Variants in CTBP1 observed in about 807,000 individuals in gnomAD.
The protein encoded by CTBP1 is C-terminal binding protein 1, also known as C-terminal-binding protein 1.
A neutral mutation model predicts 42.1 loss-of-function variants in CTBP1; 11 were observed. The ratio of observed to expected loss-of-function variants is 0.26; its 90% CI spans 0.16 to 0.43. The LOEUF is 0.43. Among genes scored for constraint, CTBP1 ranks in the 20% least tolerant of loss-of-function variants. The probability of loss-of-function intolerance (pLI) is 1.00; values close to 1 mark genes in which losing one functional copy is unlikely to be tolerated. For synonymous variants in CTBP1, 324 were observed against 277.1 expected (o/e 1.17, Z -1.68); for missense variants, 399 against 624.3 (o/e 0.64, Z 3.85).
rs377417108 is a variant in CTBP1 at position 1,242,668 on chromosome 4, C to T, written c.-188-1149G>A. 11 of 985,322 alleles carry T rather than the reference C, an allele frequency of 1.1e-5. No individual in the cohort carries two copies. In the African/African-American group the frequency reaches 1.9e-4, roughly 17 times the overall value. 61.0% of individuals were successfully genotyped at this position (985,322 alleles called of 1,614,324 possible). A position where few individuals can be genotyped will look rare whatever the true frequency, so the allele number is the denominator to read the frequency against. ...CTCATGGCAGGTGCTGTGTGGGACT[C>T]CCTGACGGAGGGCCCAAGAGCAACA... On this transcript the variant is annotated intron_variant, in intron 1 of 9. Transcript: ENST00000382952.
rs1275586381 is a variant in CTBP1, at chr4:1,213,766, G to GC, written c.861-162dup. ...CAGGCTGGCTGAGCTCAAGAGCACAGCCCCGGGACCATCAGACACACCAGG... is the reference window on the plus strand; with the variant it reads ...CAGGCTGGCTGAGCTCAAGAGCACAGCCCCCGGGACCATCAGACACACCAGG... On this transcript the variant is annotated intron_variant, in intron 7 of 9. Transcript: ENST00000382952. 9 of 907,826 alleles carry GC rather than the reference G, an allele frequency of 9.9e-6. No homozygotes were observed. The East Asian group carries it at 2.5e-4, about 25-fold the overall frequency. The allele number at this position is 907,826 out of a possible 1,614,324, so 56.2% of individuals were successfully genotyped here.
At position 1,216,110 on chromosome 4, in the gene CTBP1, G is replaced by C; in HGVS notation, c.610C>G (p.Leu204Val). Residue 204 changes from leucine (L) to valine (V), a missense_variant, in exon 6 of 10, where the codon CTG (leucine) becomes GTG (valine). Leu to Val is a conservative substitution (Grantham distance 32). This residue lies in a region of CTBP1 where 309 missense variants were observed against 497.5 expected (regional missense o/e 0.62). Transcript: ENST00000382952. ...PYLSDGVERA[L>V]GLQRVSTLQD... ...AGGGTGCTGACACGCTGCAGCCCCA[G>C]CGCCCGCTCCACGCCATCCGACAAG... The C allele has an allele frequency of 6.2e-7, 1 of 1,611,410 alleles. No individual in the cohort carries two copies. The highest frequency in any genetic ancestry group is 8.5e-7 in the Non-Finnish European group (1 of 1,179,896).
Position 1,216,165 on chromosome 4 carries a change from G to A in CTBP1, c.555C>T (p.Phe185=), listed in dbSNP as rs370377200. 5.6e-5 allele frequency: 91 copies of A among 1,610,750 alleles called. No individual in the cohort carries two copies. Among genetic ancestry groups the A allele is most frequent in the Non-Finnish European group, 7.2e-5 (85 of 1,179,826 alleles). The part of the protein sequence containing the change: ...GQAVALRAKA[F]GFNVLFYDPY... ...GGTCGTAGAAGAGCACGTTGAAGCC[G>A]AAGGCCTTGGCCCGCAGCGCCACTG... is the stretch of plus-strand genomic sequence containing the variant. Residue 185 remains phenylalanine (F), a synonymous_variant, in exon 6 of 10, where the codon TTC becomes TTT. Coordinates refer to ENST00000382952, the MANE Select transcript of CTBP1 (RefSeq NM_001012614.2).
At position 1,243,520 on chromosome 4, in the gene CTBP1, A is replaced by G. The variant is rs1215119028; in HGVS notation, c.-188-2001T>C. Reference sequence around the variant, plus strand: ...TCCTCCAGGGACCTCTGTCTCAGAAACAGCCCTGGGGTAGGTCTGCCCACC... The same window carrying G: ...TCCTCCAGGGACCTCTGTCTCAGAAGCAGCCCTGGGGTAGGTCTGCCCACC... On this transcript the variant is annotated intron_variant, in intron 1 of 9. Coordinates refer to ENST00000382952, the MANE Select transcript of CTBP1 (RefSeq NM_001012614.2). 2.7e-5 allele frequency: 27 copies of G among 985,320 alleles called. No homozygotes were observed. In the South Asian group the frequency reaches 1.3e-3, roughly 46 times the overall value. 61.0% of individuals were successfully genotyped at this position (985,320 alleles called of 1,614,324 possible).
chr4:1,242,571 A>T (rs2108798554), intron 1 of CTBP1: 1 of 985,388 alleles, frequency 1.0e-6, no homozygotes, highest in South Asian at 4.7e-5. Context: ...TCCAGCTTCC[A>T]GAGACACCAT....
At position 1,243,714 on chromosome 4, in the gene CTBP1, C is replaced by T. The variant is rs1251020914; in HGVS notation, c.-188-2195G>A. ...GGCCTCCTACGGCCTTCCTGGCTGG[C>T]CGGTCAGGGTCAAGGGCTCCAGCTC... is the stretch of plus-strand genomic sequence containing the variant. On this transcript the variant is annotated intron_variant, in intron 1 of 9. Coordinates refer to ENST00000382952, the MANE Select transcript of CTBP1 (RefSeq NM_001012614.2). The T allele has an allele frequency of 5.1e-6, 5 of 985,342 alleles. No individual in the cohort carries two copies. The African/African-American group carries it at 8.7e-5, about 17-fold the overall frequency. The allele number at this position is 985,342 out of a possible 1,614,324, so 61.0% of individuals were successfully genotyped here. A position where few individuals can be genotyped will look rare whatever the true frequency, so the allele number is the denominator to read the frequency against.
Position 1,228,364 on chromosome 4 carries a change from G to A in CTBP1, c.163-21C>T. The A allele has an allele frequency of 4.4e-6, 7 of 1,608,650 alleles. No individual in the cohort carries two copies. The South Asian group carries it at 7.7e-5, about 18-fold the overall frequency. On this transcript the variant is annotated intron_variant, in intron 3 of 9. Coordinates refer to ENST00000382952, the MANE Select transcript of CTBP1 (RefSeq NM_001012614.2). The stretch of plus-strand genomic sequence containing the variant: ...AGGACCTGCAGCGAGAAAGCACACA[G>A]GCTCAGCCCGGAACCTGAAGACCCT...
intron 5 of CTBP1, among the ~76,000 whole-genome samples, chr4:1,222,174 G>A (rs1204217275): frequency 6.6e-6 from 1 of 152,202 alleles, no homozygotes; most frequent in African/African-American, 2.4e-5. Flanking sequence ...CTTCCACAGA[G>A]GGTGGGATGG....
intron 4 of CTBP1, 109 bp downstream of exon 4, chr4:1,228,090 G>A: frequency 6.8e-7 from 1 of 1,461,450 alleles, no homozygotes; most frequent in East Asian, 2.3e-5. Context: ...AGCCACACCA[G>A]GCAATGTGCA....
At position 1,212,397 on chromosome 4, in the gene CTBP1, G is replaced by A; in HGVS notation, c.1133C>T (p.Ala378Val). ...YRYPPGVVGV[A>V]PTGIPAAVEG... ...CACAGCAGCTGGGATGCCAGTGGGG[G>A]CCACGCCCACCACGCCCGGAGGGTA... The change falls in exon 10 of 10, where the codon GCC becomes GTC. Residue 378 changes from alanine (A) to valine (V), a missense_variant. Around this residue, in one of 4 missense-constraint regions of CTBP1, gnomAD observed 309 missense variants for 497.5 expected, o/e 0.62. Coordinates refer to ENST00000382952, the MANE Select transcript of CTBP1 (RefSeq NM_001012614.2). The A allele has an allele frequency of 6.7e-7, 1 of 1,484,210 alleles. No homozygotes were observed. The allele number at this position is 1,484,210 out of a possible 1,614,324, so 91.9% of individuals were successfully genotyped here. A position where few individuals can be genotyped will look rare whatever the true frequency, so the allele number is the denominator to read the frequency against.
intron 2 of CTBP1, among the ~76,000 whole-genome samples, chr4:1,239,193 G>A (rs115107180): frequency 6.6e-6 from 1 of 152,230 alleles, no homozygotes; most frequent in African/African-American, 2.4e-5. Context: ...GGGGCCAACT[G>A]GAGAAATAAG....
At chr4:1,248,764 C>G (rs1386662874) in intron 1 of CTBP1, 152 bp downstream of exon 1, 7 of 974,746 alleles carry the variant, frequency 7.2e-6, no homozygotes, top group Non-Finnish European at 8.5e-6. Context: ...CGACCGCGGC[C>G]ACGCGCGGAC....
At chr4:1,245,106 C>T (rs1422367228) in intron 1 of CTBP1, 18 of 984,244 alleles carry the variant, frequency 1.8e-5, no homozygotes, top group Middle Eastern at 5.2e-4. Flanking sequence ...GCTCCTCCGA[C>T]GACAGCACCC....
At chr4:1,248,613 G>A (rs1733015508) in intron 1 of CTBP1, 17 of 914,982 alleles carry the variant, frequency 1.9e-5, no homozygotes, top group Non-Finnish European at 1.8e-5. Flanking sequence ...CGGTGGAGCT[G>A]GGGGTCCGGC....
chr4:1,228,259 T>C lies in CTBP1; in HGVS notation c.247A>G (p.Ile83Val). 5 of 1,614,198 alleles carry C rather than the reference T, an allele frequency of 3.1e-6. No homozygotes were observed. Among genetic ancestry groups the C allele is most frequent in the Non-Finnish European group, 4.2e-6 (5 of 1,180,018 alleles). Reference protein sequence around the residue: ...EDLEKFKALRIIVRIGSGFDN... With the variant: ...EDLEKFKALRVIVRIGSGFDN... ...AAACCACTGCCAATCCGGACGATGA[T>C]GCGGAGGGCTTTGAACTTCTCCAGG... Residue 83 changes from isoleucine (I) to valine (V), a missense_variant, in exon 4 of 10, where the codon ATC (isoleucine) becomes GTC (valine). By Grantham distance (29) the Ile-to-Val change is conservative. Coordinates refer to ENST00000382952, the MANE Select transcript of CTBP1 (RefSeq NM_001012614.2).
chr4:1,236,380 G>A (rs1731493102), intron 3 of CTBP1: 8 of 515,592 alleles, frequency 1.6e-5, no homozygotes, highest in Admixed American at 6.5e-5. Flanking sequence ...AAGCCAGGCC[G>A]CGGGCAATGC....
At chr4:1,236,402 G>T in intron 3 of CTBP1, 1 of 545,530 alleles carries the variant, frequency 1.8e-6, no homozygotes. Flanking sequence ...GAGACCGCCC[G>T]TGTGAAGACC....
intron 6 of CTBP1, among the ~76,000 whole-genome samples, chr4:1,215,099 T>G (rs1243086006): frequency 6.6e-6 from 1 of 152,204 alleles, no homozygotes; most frequent in Non-Finnish European, 1.5e-5. Context: ...GTGGCTTTTC[T>G]TTGGTGCACT....
chr4:1,218,193 C>T (rs1729345117), intron 5 of CTBP1: 1 of 152,204 alleles, frequency 6.6e-6, no homozygotes, highest in Non-Finnish European at 1.5e-5. Flanking sequence ...ATCACAAGGT[C>T]AGGAGTTCGA....
Sources: allele counts gnomAD v4.1 joint callset (sites outside exome capture counted in the v4.1 genomes callset), GRCh38; gene constraint gnomAD v4.1.1; regional missense constraint gnomAD v4.1.1; transcripts MANE v1.5; gene names NCBI Gene and HGNC (gene_info 2026-07-23, HGNC 2026-07-21).